The following SORCS3 variants were observed in gnomAD, a reference collection of about 807,000 sequenced individuals.
SORCS3 encodes sortilin related VPS10 domain containing receptor 3.
SORCS3 carries 57 observed loss-of-function variants against 146.3 expected under a neutral mutation model. The ratio of observed to expected loss-of-function variants is 0.39; its 90% CI spans 0.31 to 0.49. The LOEUF (loss-of-function observed/expected upper bound fraction) is 0.49, where lower values mean the gene tolerates loss of function less well. Ranked by LOEUF, SORCS3 falls within the 20% of genes least tolerant of loss-of-function variation. SORCS3 has a pLI of 0.92. For synonymous variants in SORCS3, 653 were observed against 618.5 expected (o/e 1.06, Z -0.83); for missense variants, 1,341 against 1,575.5 (o/e 0.85, Z 2.52).
rs545798137 is a variant in SORCS3, at chr10:104,642,032, C to G, written c.627+78C>G. ...TGGGGGGGTGGGTGGGAGCGAGGGA[C>G]AGATAGTTGCTCGGGGGTCGAGGCG... On this transcript the variant is annotated intron_variant, in intron 1 of 26. Coordinates refer to ENST00000369701, the MANE Select transcript of SORCS3 (RefSeq NM_014978.3). The G allele has an allele frequency of 9.8e-5, 136 of 1,393,086 alleles. 1 individual carries two copies. In the African/African-American group the frequency reaches 1.9e-3, roughly 19 times the overall value. 86.3% of individuals were successfully genotyped at this position (1,393,086 alleles called of 1,614,324 possible).
intron 6 of SORCS3, 62 bp downstream of exon 6, chr10:105,089,901 C>G (rs1574402): frequency 0.026 from 34,260 of 1,331,124 alleles, 950 homozygotes; most frequent in East Asian, 0.15. Context: ...CTGTCCTCCC[C>G]CAATTTGCAT....
intron 1 of SORCS3, among the ~76,000 whole-genome samples, chr10:104,675,320 T>C (rs2015900698): frequency 6.6e-6 from 1 of 152,232 alleles, no homozygotes; most frequent in Non-Finnish European, 1.5e-5. Context: ...AAGTTAGATT[T>C]GTAAGTTCCT....
At chr10:104,694,589 C>T (rs899253075) in intron 1 of SORCS3, among the ~76,000 whole-genome samples, 1 of 152,142 alleles carries the variant, frequency 6.6e-6, no homozygotes, top group Non-Finnish European at 1.5e-5. Flanking sequence ...TCCCTGGGGG[C>T]AGCCTGTGTC....
chr10:105,066,879 C>T (rs2055526391), intron 5 of SORCS3, among the ~76,000 whole-genome samples: 1 of 152,172 alleles, frequency 6.6e-6, no homozygotes, highest in Admixed American at 6.5e-5. Flanking sequence ...AAAGTAGAGC[C>T]TAAAAGACGT....
At chr10:104,650,328 A>G (rs2015542803) in intron 1 of SORCS3, among the ~76,000 whole-genome samples, 1 of 151,830 alleles carries the variant, frequency 6.6e-6, no homozygotes, top group Non-Finnish European at 1.5e-5. Flanking sequence ...TAACAAGACA[A>G]TGCTGTACCA....
At chr10:104,913,773 T>C (rs1417443065) in intron 2 of SORCS3, among the ~76,000 whole-genome samples, 1 of 145,424 alleles carries the variant, frequency 6.9e-6, no homozygotes, top group Non-Finnish European at 1.5e-5. Context: ...ATTCTTTTTT[T>C]TTTTTTTTTT....
chr10:105,076,103 T>G (rs941432968), intron 5 of SORCS3, among the ~76,000 whole-genome samples: 2 of 152,234 alleles, frequency 1.3e-5, no homozygotes, highest in African/African-American at 2.4e-5. Flanking sequence ...CTTGCATCAT[T>G]TCATTTCATC....
At chr10:104,646,683 T>C (rs1427123905) in intron 1 of SORCS3, among the ~76,000 whole-genome samples, 3 of 152,158 alleles carry the variant, frequency 2.0e-5, no homozygotes, top group African/African-American at 7.2e-5. Context: ...TCTTGGCTGG[T>C]TTGAGACACT....
chr10:105,112,758 G>A (rs189203168), intron 7 of SORCS3, among the ~76,000 whole-genome samples: 53 of 152,230 alleles, frequency 3.5e-4, no homozygotes, highest in Non-Finnish European at 6.6e-4. Context: ...CTTTTAAAGG[G>A]GATCCGTGTA....
chr10:104,775,014 G>A (rs2017292793), intron 1 of SORCS3, among the ~76,000 whole-genome samples: 2 of 152,188 alleles, frequency 1.3e-5, no homozygotes, highest in South Asian at 2.1e-4. Flanking sequence ...ATTTTACCAA[G>A]CATCTGTAAG....
chr10:104,893,744 A>G (rs1008098391), intron 2 of SORCS3, among the ~76,000 whole-genome samples: 13 of 152,188 alleles, frequency 8.5e-5, no homozygotes, highest in Admixed American at 2.0e-4. Flanking sequence ...AGCAATCTCA[A>G]TGGCGAAGTG....
chr10:105,221,220 C>T (rs2056700532), intron 19 of SORCS3, among the ~76,000 whole-genome samples: 2 of 152,172 alleles, frequency 1.3e-5, no homozygotes, highest in Admixed American at 1.3e-4. Flanking sequence ...ATCCTTTACA[C>T]ATACACTGGC....
At chr10:104,706,201 CTTTTTTTTT>C (rs1162969172) in intron 1 of SORCS3, among the ~76,000 whole-genome samples, 13,756 of 86,120 alleles carry the variant, frequency 0.16, 866 homozygotes, top group Non-Finnish European at 0.21. Context: ...TTTTCTTCTT[CTTTTTTTTT>C]TTTTTTTTTT....
At chr10:104,940,238 A>ATATATATATATATATATTT (rs1435205868) in intron 3 of SORCS3, among the ~76,000 whole-genome samples, 7 of 31,506 alleles carry the variant, frequency 2.2e-4, no homozygotes, top group Non-Finnish European at 4.3e-4. Flanking sequence ...ATATATATAT[A>ATATATATATATATATATTT]TTTTTTTTTT....
intron 4 of SORCS3, among the ~76,000 whole-genome samples, chr10:104,992,818 G>T (rs2055002589): frequency 6.6e-6 from 1 of 152,078 alleles, no homozygotes; most frequent in Non-Finnish European, 1.5e-5. Context: ...TGCCTAGACA[G>T]ACTTTACCTA....
At chr10:104,690,293 C>T (rs891708097) in intron 1 of SORCS3, among the ~76,000 whole-genome samples, 16 of 152,184 alleles carry the variant, frequency 1.1e-4, no homozygotes, top group African/African-American at 3.9e-4. Context: ...CGGGTCAGTC[C>T]TCAGTAACCC....
At chr10:104,683,248 T>C (rs1281052813) in intron 1 of SORCS3, among the ~76,000 whole-genome samples, 1 of 152,238 alleles carries the variant, frequency 6.6e-6, no homozygotes, top group Non-Finnish European at 1.5e-5. Flanking sequence ...TGGGGCACAG[T>C]ACTCAAATAG....
intron 1 of SORCS3, among the ~76,000 whole-genome samples, chr10:104,812,456 C>G (rs931618054): frequency 6.6e-6 from 1 of 152,204 alleles, no homozygotes; most frequent in African/African-American, 2.4e-5. Flanking sequence ...ATAAACAAAA[C>G]CTCTTCTACT....
intron 3 of SORCS3, among the ~76,000 whole-genome samples, chr10:104,933,195 G>A (rs1036085490): frequency 1.3e-5 from 2 of 152,228 alleles, no homozygotes; most frequent in Non-Finnish European, 2.9e-5. Flanking sequence ...TAGAGTCTCA[G>A]GGTAGGTAGC....
Sources: allele counts gnomAD v4.1 joint callset (sites outside exome capture counted in the v4.1 genomes callset), GRCh38; gene constraint gnomAD v4.1.1; transcripts MANE v1.5; gene names NCBI Gene and HGNC (gene_info 2026-07-23, HGNC 2026-07-21).